Variants in WDR4 observed in about 807,000 individuals in gnomAD.
The protein encoded by WDR4 is WDR4 tRNA N7-guanosine methyltransferase non-catalytic subunit.
Under a neutral mutation model 48.6 loss-of-function variants are expected in WDR4, and 47 were observed. The ratio of observed to expected loss-of-function variants is 0.97; its 90% CI spans 0.77 to 1.23. The LOEUF (loss-of-function observed/expected upper bound fraction) is 1.23, where lower values mean the gene tolerates loss of function less well. Ranked by LOEUF, WDR4 falls within the 50% of genes most tolerant of loss-of-function variation. WDR4 has a pLI of 0.00. For missense variants in WDR4, 606 were observed against 551.6 expected (o/e 1.10, Z -0.99); for synonymous variants, 268 against 230.0 (o/e 1.17, Z -1.49).
At chr21:42,858,408 G>A (rs898064239) in intron 6 of WDR4, among the ~76,000 whole-genome samples, 5 of 152,228 alleles carry the variant, frequency 3.3e-5, no homozygotes, top group African/African-American at 1.2e-4. Context: ...GGAGCAACCA[G>A]CTGGAGAGCA....
chr21:42,872,991 CTAAG>C (rs920612541), intron 3 of WDR4, among the ~76,000 whole-genome samples: 8 of 152,290 alleles, frequency 5.3e-5, no homozygotes, highest in South Asian at 2.1e-4. Context: ...CCGGACTTTG[CTAAG>C]TAAGAGGGCA....
chr21:42,877,561 G>T (rs940313866), intron 1 of WDR4, among the ~76,000 whole-genome samples: 1 of 150,500 alleles, frequency 6.6e-6, no homozygotes, highest in African/African-American at 2.5e-5. Context: ...TACTTGACAA[G>T]AAAACTGTCT....
rs1011218338 is a variant in WDR4, at chr21:42,860,609, C to T, written c.567-887G>A. On this transcript the variant is annotated intron_variant, in intron 5 of 10. Coordinates refer to ENST00000398208, the MANE Select transcript of WDR4 (RefSeq NM_018669.6). ...GAGCCGGGCCCGGTCCCGCAGCCAC[C>T]GCCCTGCACGGCACCACAGCACCAA... 3.9e-5 allele frequency among the ~76,000 whole-genome samples: 6 copies of T among 152,258 alleles called. No homozygotes were observed. In the East Asian group the frequency reaches 5.8e-4, roughly 15 times the overall value.
At chr21:42,886,242 C>T in the WDR4 span, among the ~76,000 whole-genome samples, 4 of 152,180 alleles carry the variant, frequency 2.6e-5, no homozygotes, top group Admixed American at 2.6e-4. Context: ...CAGGCATGAG[C>T]CACCGTGCCC....
chr21:42,855,414 G>C (rs912638092), intron 7 of WDR4, among the ~76,000 whole-genome samples: 1 of 152,218 alleles, frequency 6.6e-6, no homozygotes, highest in African/African-American at 2.4e-5. Context: ...AAAGGTGCAT[G>C]CTCAAGCACC....
intron 3 of WDR4, among the ~76,000 whole-genome samples, chr21:42,866,045 C>T (rs1215001592): frequency 6.6e-6 from 1 of 152,206 alleles, no homozygotes; most frequent in Non-Finnish European, 1.5e-5. Flanking sequence ...TTCTCTGGCT[C>T]TGCCTTTCCC....
chr21:42,869,644 C>T (rs551202379), intron 3 of WDR4, among the ~76,000 whole-genome samples: 2 of 151,990 alleles, frequency 1.3e-5, no homozygotes, highest in South Asian at 4.2e-4. Flanking sequence ...AAACAACACC[C>T]CAATGGAAAA....
downstream of WDR4, among the ~76,000 whole-genome samples, chr21:42,846,605 T>C (rs945101636): frequency 6.6e-6 from 1 of 152,068 alleles, no homozygotes; most frequent in Non-Finnish European, 1.5e-5. Context: ...CCCAGCACTC[T>C]GGGAGGCCAA....
chr21:42,853,846 T>C lies in WDR4; in HGVS notation c.792-94A>G, dbSNP rs996744488. ...CCCCAGACGGTGCAGCCCTCGCCGG[T>C]GCCACCTCAGGAGAGCCTACGCTGA... On this transcript the variant is annotated intron_variant, in intron 8 of 10. Coordinates refer to ENST00000398208, the MANE Select transcript of WDR4 (RefSeq NM_018669.6). 13 of 1,360,958 alleles carry C rather than the reference T, an allele frequency of 9.6e-6. No homozygotes were observed. The Middle Eastern group carries it at 5.5e-4, about 58-fold the overall frequency. The allele number at this position is 1,360,958 out of a possible 1,614,324, so 84.3% of individuals were successfully genotyped here.
rs909440909 is a variant in WDR4, at chr21:42,862,614, T to A, written c.454-220A>T. ...GTCCCTGGCCACCTCTAGCCCTCAC[T>A]CCTCAGTGCTAGAGCAGGCTTCTGG... On this transcript the variant is annotated intron_variant, in intron 4 of 10. Coordinates refer to ENST00000398208, the MANE Select transcript of WDR4 (RefSeq NM_018669.6). The surrounding 1 kb of genome is among the most constrained non-coding windows in gnomAD (Gnocchi z 4.3). 1.3e-5 allele frequency among the ~76,000 whole-genome samples: 2 copies of A among 151,994 alleles called. No individual in the cohort carries two copies. The highest frequency in any genetic ancestry group is 4.8e-5 in the African/African-American group (2 of 41,366).
intron 5 of WDR4, among the ~76,000 whole-genome samples, chr21:42,861,820 C>T (rs190724223): frequency 4.5e-4 from 69 of 152,332 alleles, no homozygotes; most frequent in African/African-American, 1.4e-3. Context: ...GAGACAGGAG[C>T]GGGCATTCAG....
the WDR4 span, among the ~76,000 whole-genome samples, chr21:42,885,168 C>G: frequency 6.6e-6 from 1 of 152,136 alleles, no homozygotes; most frequent in Non-Finnish European, 1.5e-5. Flanking sequence ...CCACACAGAC[C>G]TAATCACCCT....
At chr21:42,865,911 C>A (rs577364500) in intron 3 of WDR4, among the ~76,000 whole-genome samples, 2 of 152,194 alleles carry the variant, frequency 1.3e-5, no homozygotes, top group East Asian at 1.9e-4. Context: ...CTGCCCCAAG[C>A]CCCCCTCCAG....
rs1162785076 is a variant in WDR4 at position 42,862,459 on chromosome 21, A to G, written c.454-65T>C. On this transcript the variant is annotated intron_variant, in intron 4 of 10. Transcript: ENST00000398208. This position sits in a 1 kb window ranked among gnomAD's most constrained non-coding sequence, Gnocchi z 4.3. Reference sequence around the variant, plus strand: ...TGAGTCTTCCCGAATCAAGTCCCTCATGGAAGAAGGCAGGGAAGCTGCAGC... The same window carrying G: ...TGAGTCTTCCCGAATCAAGTCCCTCGTGGAAGAAGGCAGGGAAGCTGCAGC... 1 of 1,454,030 alleles carries G rather than the reference A, an allele frequency of 6.9e-7. No homozygotes were observed. The highest frequency in any genetic ancestry group is 2.5e-5 in the East Asian group (1 of 40,562). The allele number at this position is 1,454,030 out of a possible 1,614,324, so 90.1% of individuals were successfully genotyped here. A position where few individuals can be genotyped will look rare whatever the true frequency, so the allele number is the denominator to read the frequency against.
intron 3 of WDR4, among the ~76,000 whole-genome samples, chr21:42,869,194 T>A (rs1434699158): frequency 6.6e-6 from 1 of 152,138 alleles, no homozygotes; most frequent in Non-Finnish European, 1.5e-5. Flanking sequence ...CTCAGTGGTT[T>A]CCAATTTTCT....
At chr21:42,885,607 C>A in the WDR4 span, among the ~76,000 whole-genome samples, 1 of 150,344 alleles carries the variant, frequency 6.7e-6, no homozygotes, top group Non-Finnish European at 1.5e-5. Context: ...AAAACTCCAT[C>A]AAAAAAAAAT....
intron 3 of WDR4, among the ~76,000 whole-genome samples, chr21:42,869,103 T>C (rs1191582250): frequency 1.3e-5 from 2 of 152,282 alleles, no homozygotes; most frequent in African/African-American, 2.4e-5. Flanking sequence ...GAGGAGGGCC[T>C]GGCCCCAGTG....
upstream of WDR4, among the ~76,000 whole-genome samples, chr21:42,884,042 G>A (rs1189356303): frequency 1.3e-5 from 2 of 152,210 alleles, no homozygotes; most frequent in Non-Finnish European, 1.5e-5. Flanking sequence ...ATATAATCTG[G>A]CTTCTGTCAC....
At chr21:42,852,373 A>C (rs777896789) in intron 9 of WDR4, 49 bp from the exon 10 acceptor site, 1 of 1,599,394 alleles carries the variant, frequency 6.3e-7, no homozygotes, top group African/African-American at 1.3e-5. Flanking sequence ...CAGGCCTGGA[A>C]ACCCAGCACC....
Sources: gnomAD v4.1 joint callset for allele counts (sites outside exome capture counted in the v4.1 genomes callset) on GRCh38, gnomAD v4.1.1 for gene constraint, Gnocchi (gnomAD v3.1) non-coding constraint, MANE v1.5 for transcripts, NCBI Gene and HGNC (gene_info 2026-07-23, HGNC 2026-07-21) for gene names.